The following GRM1 variants were observed in gnomAD, a reference collection of about 807,000 sequenced individuals.
GRM1 encodes glutamate metabotropic receptor 1, also known as metabotropic glutamate receptor 1.
A neutral mutation model predicts 90.9 loss-of-function variants in GRM1; 33 were observed. That is an observed-to-expected ratio of 0.36 (90% CI 0.28 to 0.49). The LOEUF (loss-of-function observed/expected upper bound fraction) is 0.49. Ranked by LOEUF, GRM1 falls within the 20% of genes least tolerant of loss-of-function variation. GRM1 has a pLI of 0.99. For synonymous variants in GRM1, 700 were observed against 613.2 expected (o/e 1.14, Z -2.09); for missense variants, 1,190 against 1,534.3 (o/e 0.78, Z 3.75).
intron 6 of GRM1, among the ~76,000 whole-genome samples, chr6:146,391,984 G>C (rs1776739515): frequency 6.6e-6 from 1 of 152,108 alleles, no homozygotes; most frequent in Non-Finnish European, 1.5e-5. Context: ...TTGATGCACT[G>C]TATAGGACAG....
At chr6:146,324,332 G>A (rs1265394702) in intron 3 of GRM1, among the ~76,000 whole-genome samples, 2 of 152,106 alleles carry the variant, frequency 1.3e-5, no homozygotes, top group African/African-American at 4.8e-5. Flanking sequence ...GCTGAGCTCT[G>A]TGCGGGTGGC....
At chr6:146,329,477 G>A (rs1408282174) in intron 3 of GRM1, among the ~76,000 whole-genome samples, 4 of 152,172 alleles carry the variant, frequency 2.6e-5, no homozygotes, top group African/African-American at 9.7e-5. Flanking sequence ...CTAAGGCAGG[G>A]TGTTGCGAGA....
At chr6:146,348,732 A>G (rs1433775725) in intron 3 of GRM1, among the ~76,000 whole-genome samples, 1 of 152,190 alleles carries the variant, frequency 6.6e-6, no homozygotes, top group Non-Finnish European at 1.5e-5. Flanking sequence ...GTAGTCAGGG[A>G]GACAGCTGTG....
At chr6:146,222,233 C>T (rs1391666710) in intron 2 of GRM1, among the ~76,000 whole-genome samples, 1 of 152,068 alleles carries the variant, frequency 6.6e-6, no homozygotes, top group African/African-American at 2.4e-5. Context: ...TTTATCTGTT[C>T]TGATATGTTT....
intron 3 of GRM1, among the ~76,000 whole-genome samples, chr6:146,342,205 C>T (rs1785008546): frequency 6.6e-6 from 1 of 152,140 alleles, no homozygotes; most frequent in South Asian, 2.1e-4. Flanking sequence ...TGATTTTTAA[C>T]CTCCTCTATG....
intron 7 of GRM1, among the ~76,000 whole-genome samples, chr6:146,404,209 G>A (rs773445957): frequency 2.5e-4 from 35 of 138,322 alleles, no homozygotes; most frequent in Non-Finnish European, 3.4e-4. Context: ...TTTTACTACT[G>A]GATAGTAATA....
At chr6:146,256,740 T>C (rs1183000146) in intron 2 of GRM1, among the ~76,000 whole-genome samples, 1 of 152,170 alleles carries the variant, frequency 6.6e-6, no homozygotes, top group African/African-American at 2.4e-5. Flanking sequence ...CCCTACTCCA[T>C]TGGATTCTCA....
intron 2 of GRM1, among the ~76,000 whole-genome samples, chr6:146,235,495 TTTA>T (rs1780609964): frequency 6.6e-6 from 1 of 152,188 alleles, no homozygotes; most frequent in Admixed American, 6.6e-5. Flanking sequence ...CATTTGTTAC[TTTA>T]TTTTCTCCCT....
intron 2 of GRM1, among the ~76,000 whole-genome samples, chr6:146,161,853 A>T (rs1583093468): frequency 6.6e-6 from 1 of 152,194 alleles, no homozygotes; most frequent in Non-Finnish European, 1.5e-5. Context: ...CTTCCATGAC[A>T]TTCAGATATG....
At chr6:146,368,336 T>C (rs1775775941) in intron 5 of GRM1, among the ~76,000 whole-genome samples, 1 of 151,978 alleles carries the variant, frequency 6.6e-6, no homozygotes. Flanking sequence ...ATTTGACTTC[T>C]TCCTTTCCAA....
intron 5 of GRM1, among the ~76,000 whole-genome samples, chr6:146,380,501 G>C (rs1307408751): frequency 6.6e-6 from 1 of 152,114 alleles, no homozygotes; most frequent in Non-Finnish European, 1.5e-5. Context: ...GTCAGCTTGT[G>C]GTAAATGCTG....
intron 5 of GRM1, among the ~76,000 whole-genome samples, chr6:146,361,164 G>A (rs1313538318): frequency 6.6e-6 from 1 of 152,180 alleles, no homozygotes; most frequent in Non-Finnish European, 1.5e-5. Flanking sequence ...GGTCTCCTAT[G>A]GTCTGACCTG....
chr6:146,090,103 G>T (rs891868216), intron 1 of GRM1, among the ~76,000 whole-genome samples: 5 of 151,904 alleles, frequency 3.3e-5, no homozygotes, highest in Non-Finnish European at 5.9e-5. Flanking sequence ...GAAAATTTTT[G>T]TTAATAGCAT....
chr6:146,432,781 G>A (rs1410068709), intron 7 of GRM1, among the ~76,000 whole-genome samples: 2 of 152,236 alleles, frequency 1.3e-5, no homozygotes, highest in Non-Finnish European at 2.9e-5. Flanking sequence ...CAGAAAAGAA[G>A]CTGAGTCCAG....
At chr6:146,075,622 CAG>C (rs959005963) in intron 1 of GRM1, among the ~76,000 whole-genome samples, 3 of 152,098 alleles carry the variant, frequency 2.0e-5, no homozygotes, top group African/African-American at 7.2e-5. Context: ...GTACTACAAA[CAG>C]AATAATTTAA....
At chr6:146,216,955 G>A (rs1456947057) in intron 2 of GRM1, among the ~76,000 whole-genome samples, 1 of 152,096 alleles carries the variant, frequency 6.6e-6, no homozygotes, top group African/African-American at 2.4e-5. Context: ...AGACAATTTG[G>A]TGCAGGTGAA....
chr6:146,077,347 A>C (rs2128861466), intron 1 of GRM1, among the ~76,000 whole-genome samples: 1 of 152,334 alleles, frequency 6.6e-6, no homozygotes, highest in South Asian at 2.1e-4. Flanking sequence ...CTGGTGGTAC[A>C]GGATGGTTAG....
rs139255602 is a variant in GRM1, at chr6:146,320,354, G to T, written c.1186+15508G>T. Among the ~76,000 whole-genome samples, 702 of 152,248 alleles carry T rather than the reference G, an allele frequency of 4.6e-3. 4 individuals carry two copies. The highest frequency in any genetic ancestry group is 0.016 in the African/African-American group (667 of 41,544). ...GGATAAGCTTTTTGATGTGCTGCTG[G>T]ATTCAGTTTGCCAGTTTTTTTATTG... On this transcript the variant is annotated intron_variant, in intron 3 of 7. Coordinates refer to ENST00000282753, the MANE Select transcript of GRM1 (RefSeq NM_001278064.2).
intron 7 of GRM1, among the ~76,000 whole-genome samples, chr6:146,413,517 C>T (rs74301709): frequency 1.3e-5 from 2 of 152,054 alleles, no homozygotes; most frequent in African/African-American, 4.8e-5. Flanking sequence ...TATATTAAAT[C>T]ATCTTTTACA....
Sources: allele counts gnomAD v4.1 joint callset (sites outside exome capture counted in the v4.1 genomes callset), GRCh38; gene constraint gnomAD v4.1.1; transcripts MANE v1.5; gene names NCBI Gene and HGNC (gene_info 2026-07-23, HGNC 2026-07-21).